Variants in SPAG16 observed in about 807,000 individuals in gnomAD.
SPAG16 encodes the protein sperm associated antigen 16.
Under a neutral mutation model 80.4 loss-of-function variants are expected in SPAG16, and 86 were observed. The ratio of observed to expected loss-of-function variants is 1.07; its 90% CI spans 0.90 to 1.28. The LOEUF is 1.28. SPAG16 is among the 50% of genes most tolerant of loss of function. SPAG16 has a pLI of 0.00. For missense variants in SPAG16, 870 were observed against 765.3 expected (o/e 1.14, Z -1.61); for synonymous variants, 294 against 265.9 (o/e 1.11, Z -1.03).
At chr2:213,331,842 G>T (rs1315844551) in intron 5 of SPAG16, among the ~76,000 whole-genome samples, 1 of 152,074 alleles carries the variant, frequency 6.6e-6, no homozygotes, top group Non-Finnish European at 1.5e-5. Context: ...AATGATAGTG[G>T]AAACACAACA....
intron 15 of SPAG16, among the ~76,000 whole-genome samples, chr2:214,236,009 A>G (rs1479307858): frequency 6.6e-6 from 1 of 152,164 alleles, no homozygotes; most frequent in Non-Finnish European, 1.5e-5. Context: ...GAGGAAGAAA[A>G]TGGGCATTAA....
chr2:213,473,914 A>C (rs1012273411), intron 9 of SPAG16, among the ~76,000 whole-genome samples: 2 of 152,206 alleles, frequency 1.3e-5, no homozygotes, highest in African/African-American at 2.4e-5. Context: ...ATCTAGAAGC[A>C]AACAGGTGTT....
At chr2:213,647,903 G>A (rs945216826) in intron 10 of SPAG16, among the ~76,000 whole-genome samples, 2 of 152,122 alleles carry the variant, frequency 1.3e-5, no homozygotes, top group Non-Finnish European at 2.9e-5. Flanking sequence ...GCTCCCTTAC[G>A]TCCACAGCAG....
chr2:214,290,074 G>A (rs748152377), intron 15 of SPAG16, among the ~76,000 whole-genome samples: 5 of 151,806 alleles, frequency 3.3e-5, no homozygotes, highest in African/African-American at 4.8e-5. Flanking sequence ...GAGACCTTTC[G>A]TTACTGATTC....
At chr2:214,326,290 GC>G (rs1696475610) in intron 15 of SPAG16, among the ~76,000 whole-genome samples, 1 of 152,202 alleles carries the variant, frequency 6.6e-6, no homozygotes, top group Admixed American at 6.5e-5. Flanking sequence ...TGCAGCCAAA[GC>G]CAAGGAAGGC....
intron 9 of SPAG16, among the ~76,000 whole-genome samples, chr2:213,468,463 C>CTATGTATTTATATATAGATATATA (rs1289207030): frequency 1.2e-4 from 13 of 111,392 alleles, no homozygotes; most frequent in Admixed American, 2.6e-4. Context: ...ATATATATCT[C>CTATGTATTTATATATAGATATATA]TATGTATTTA....
At chr2:213,882,444 C>A (rs1168583785) in intron 11 of SPAG16, among the ~76,000 whole-genome samples, 1 of 152,012 alleles carries the variant, frequency 6.6e-6, no homozygotes, top group Non-Finnish European at 1.5e-5. Flanking sequence ...TATAACTTAT[C>A]CATGGCTTTT....
chr2:213,731,316 C>T (rs1332714700), intron 10 of SPAG16, among the ~76,000 whole-genome samples: 1 of 152,002 alleles, frequency 6.6e-6, no homozygotes. Flanking sequence ...ACTAACATGC[C>T]TGGCTAATTC....
chr2:213,908,608 C>T (rs532417106), intron 11 of SPAG16, among the ~76,000 whole-genome samples: 1 of 152,154 alleles, frequency 6.6e-6, no homozygotes, highest in South Asian at 2.1e-4. Context: ...ATATATAGTG[C>T]TGTCCTCTCA....
intron 15 of SPAG16, among the ~76,000 whole-genome samples, chr2:214,297,102 A>G (rs1694188209): frequency 6.6e-6 from 1 of 152,154 alleles, no homozygotes; most frequent in Non-Finnish European, 1.5e-5. Context: ...ACCCAGTCTC[A>G]GTTTTTCCTT....
At chr2:213,781,517 C>G (rs750075591) in intron 10 of SPAG16, among the ~76,000 whole-genome samples, 1 of 152,080 alleles carries the variant, frequency 6.6e-6, no homozygotes, top group Non-Finnish European at 1.5e-5. Flanking sequence ...CCCATACTTT[C>G]CCCATGGAAG....
intron 10 of SPAG16, among the ~76,000 whole-genome samples, chr2:213,808,630 T>C (rs2071924076): frequency 6.6e-6 from 1 of 152,150 alleles, no homozygotes. Context: ...GCCTCAAATA[T>C]GGCAAATAGG....
At chr2:214,242,502 T>A (rs1689564634) in intron 15 of SPAG16, among the ~76,000 whole-genome samples, 1 of 152,156 alleles carries the variant, frequency 6.6e-6, no homozygotes, top group African/African-American at 2.4e-5. Context: ...TGAATTTGCA[T>A]TTTTTTCCAG....
chr2:213,869,280 T>TATATATACACAC (rs869276304), intron 11 of SPAG16, among the ~76,000 whole-genome samples: 3 of 112,478 alleles, frequency 2.7e-5, no homozygotes, highest in Non-Finnish European at 5.7e-5. Flanking sequence ...TATATATATA[T>TATATATACACAC]GTATATATAT....
chr2:214,169,562 G>A (rs925717261), intron 15 of SPAG16, among the ~76,000 whole-genome samples: 1 of 151,922 alleles, frequency 6.6e-6, no homozygotes, highest in Non-Finnish European at 1.5e-5. Context: ...AATATTTTTG[G>A]AGAGAAATGC....
chr2:213,770,355 A>G lies in SPAG16; in HGVS notation c.1071-92130A>G, dbSNP rs561516158. Among the ~76,000 whole-genome samples, 8 of 152,254 alleles carry G rather than the reference A, an allele frequency of 5.3e-5. 1 individual carries two copies. Among genetic ancestry groups the G allele is most frequent in the Admixed American group, 2.6e-4 (4 of 15,276 alleles). ...TGTTTAACGTTTTAAGAAATTAAGA[A>G]GCATTGTTTTCTAAGTTGTATAATT... On this transcript the variant is annotated intron_variant, in intron 10 of 15. Coordinates refer to ENST00000331683, the MANE Select transcript of SPAG16 (RefSeq NM_024532.5).
intron 12 of SPAG16, among the ~76,000 whole-genome samples, chr2:213,934,590 T>C (rs2078909313): frequency 6.6e-6 from 1 of 152,228 alleles, no homozygotes; most frequent in Non-Finnish European, 1.5e-5. Flanking sequence ...AGCTTTTCAC[T>C]AGAATCCACT....
chr2:213,778,593 T>G (rs1017273268), intron 10 of SPAG16, among the ~76,000 whole-genome samples: 9 of 152,160 alleles, frequency 5.9e-5, no homozygotes, highest in African/African-American at 2.2e-4. Context: ...CCACTGGCCA[T>G]AAGTCAAGAG....
At chr2:214,178,013 T>C (rs6722554) in intron 15 of SPAG16, among the ~76,000 whole-genome samples, 1 of 67,336 alleles carries the variant, frequency 1.5e-5, no homozygotes, top group Non-Finnish European at 3.1e-5. Context: ...ATATATATAT[T>C]CATACTTTAT....
Sources: allele counts gnomAD v4.1 joint callset (sites outside exome capture counted in the v4.1 genomes callset), GRCh38; gene constraint gnomAD v4.1.1; transcripts MANE v1.5; gene names NCBI Gene and HGNC (gene_info 2026-07-23, HGNC 2026-07-21).